The following XRRA1 variants were observed in gnomAD, a reference collection of about 807,000 sequenced individuals.
XRRA1 encodes X-ray radiation resistance associated 1.
Under a neutral mutation model 80.2 loss-of-function variants are expected in XRRA1, and 69 were observed. The ratio of observed to expected loss-of-function variants is 0.86; its 90% CI spans 0.71 to 1.05. XRRA1 has a LOEUF of 1.05. Ranked by LOEUF, XRRA1 falls within the 50% of genes least tolerant of loss-of-function variation. XRRA1 has a pLI of 0.00. For missense variants in XRRA1, 967 were observed against 976.4 expected (o/e 0.99, Z 0.13); for synonymous variants, 348 against 389.9 (o/e 0.89, Z 1.27).
At chr11:74,891,071 G>A (rs943130262) in intron 10 of XRRA1, among the ~76,000 whole-genome samples, 51 of 152,286 alleles carry the variant, frequency 3.3e-4, no homozygotes, top group African/African-American at 1.1e-3. Context: ...GCATCATCCT[G>A]ATACCAAAGC....
At chr11:74,852,833 G>A (rs966008452) in intron 12 of XRRA1, among the ~76,000 whole-genome samples, 9 of 152,150 alleles carry the variant, frequency 5.9e-5, no homozygotes, top group Non-Finnish European at 1.3e-4. Context: ...CATCAGGATC[G>A]AAGGGGTCAG....
At chr11:74,894,342 T>C (rs2051645355) in intron 10 of XRRA1, among the ~76,000 whole-genome samples, 1 of 152,170 alleles carries the variant, frequency 6.6e-6, no homozygotes, top group South Asian at 2.1e-4. Flanking sequence ...TGAGATAATC[T>C]GTACATCAAA....
chr11:74,890,390 A>G (rs1012178006), intron 10 of XRRA1, among the ~76,000 whole-genome samples: 1 of 152,236 alleles, frequency 6.6e-6, no homozygotes, highest in African/African-American at 2.4e-5. Flanking sequence ...TCCCTGGGAC[A>G]CATTCAAAGC....
intron 10 of XRRA1, among the ~76,000 whole-genome samples, chr11:74,871,326 T>C (rs1279867101): frequency 6.6e-6 from 1 of 152,170 alleles, no homozygotes; most frequent in East Asian, 1.9e-4. Context: ...TCCCATTGTC[T>C]TCCTGTCTAC....
chr11:74,920,123 A>C (rs917375314), intron 8 of XRRA1: 1 of 159,434 alleles, frequency 6.3e-6, no homozygotes, highest in Admixed American at 6.5e-5. Flanking sequence ...ATAGAGATGC[A>C]CGCAGAGACC....
Position 74,843,145 on chromosome 11 carries a change from C to T in XRRA1, c.*55G>A. ...GAGGTGCGGTCCAGGGCACAGAGCC[C>T]TCGGGGAGAGCTGGGGCACAGGCCG... is the stretch of plus-strand genomic sequence containing the variant. On this transcript the variant is annotated 3_prime_UTR_variant, in exon 19 of 19. Transcript: ENST00000684022. The T allele has an allele frequency of 1.3e-6, 2 of 1,507,274 alleles. No homozygotes were observed. Among genetic ancestry groups the T allele is most frequent in the Non-Finnish European group, 1.8e-6 (2 of 1,124,102 alleles). 93.4% of individuals were successfully genotyped at this position (1,507,274 alleles called of 1,614,324 possible). A position where few individuals can be genotyped will look rare whatever the true frequency, so the allele number is the denominator to read the frequency against.
chr11:74,869,714 C>G (rs549957772), intron 10 of XRRA1, among the ~76,000 whole-genome samples: 1 of 152,224 alleles, frequency 6.6e-6, no homozygotes, highest in African/African-American at 2.4e-5. Context: ...TTTTCATACC[C>G]TATGCAGATG....
intron 10 of XRRA1, among the ~76,000 whole-genome samples, chr11:74,890,575 G>C (rs1591087928): frequency 1.3e-5 from 2 of 152,250 alleles, no homozygotes; most frequent in South Asian, 4.1e-4. Flanking sequence ...AGGAAATAGA[G>C]ACACAAAAAA....
chr11:74,939,728 T>C (rs1034918251), intron 3 of XRRA1, among the ~76,000 whole-genome samples: 1 of 152,220 alleles, frequency 6.6e-6, no homozygotes, highest in Non-Finnish European at 1.5e-5. Context: ...TGAGGTGTCA[T>C]TGCTGTCAGT....
chr11:74,904,472 A>T (rs1399788667), intron 10 of XRRA1, among the ~76,000 whole-genome samples: 5 of 152,070 alleles, frequency 3.3e-5, no homozygotes, highest in Non-Finnish European at 7.4e-5. Context: ...AAAAAGAAAA[A>T]AAAAAAAGTT....
chr11:74,907,028 G>A, intron 9 of XRRA1, 117 bp downstream of exon 9: 1 of 1,387,686 alleles, frequency 7.2e-7, no homozygotes, highest in Non-Finnish European at 9.9e-7. Flanking sequence ...ACACAGTAGA[G>A]ATAAATTGTG....
intron 7 of XRRA1, among the ~76,000 whole-genome samples, chr11:74,921,865 T>A (rs145159018): frequency 1.3e-4 from 20 of 152,304 alleles, no homozygotes; most frequent in Admixed American, 5.9e-4. Flanking sequence ...GATCATAAAC[T>A]GGTACTTGGA....
chr11:74,913,191 T>C (rs1437635072), intron 8 of XRRA1, among the ~76,000 whole-genome samples: 1 of 152,202 alleles, frequency 6.6e-6, no homozygotes, highest in Non-Finnish European at 1.5e-5. Context: ...TAGTAGGAAG[T>C]GTCCAATTGA....
At chr11:74,871,830 G>A (rs941757888) in intron 10 of XRRA1, among the ~76,000 whole-genome samples, 1 of 152,204 alleles carries the variant, frequency 6.6e-6, no homozygotes, top group African/African-American at 2.4e-5. Flanking sequence ...ACTCCGATAG[G>A]TATAAAGAAG....
chr11:74,861,837 T>C (rs1405466261), intron 11 of XRRA1, among the ~76,000 whole-genome samples: 1 of 152,172 alleles, frequency 6.6e-6, no homozygotes, highest in Admixed American at 6.6e-5. Flanking sequence ...CTCTTGAATT[T>C]ATCACCAGTT....
chr11:74,906,333 T>A lies in XRRA1; in HGVS notation c.909A>T (p.Gln303His), dbSNP rs200854594. The A allele has an allele frequency of 1.9e-6, 3 of 1,614,020 alleles. No individual in the cohort carries two copies. The Admixed American group carries it at 5.0e-5, about 27-fold the overall frequency. The change falls in exon 10 of 19, where the codon CAA becomes CAT. Residue 303 changes from glutamine to histidine, a missense_variant. Physicochemically the swap from Gln to His is conservative, Grantham distance 24 (BLOSUM62 0). Coordinates refer to ENST00000684022, the MANE Select transcript of XRRA1 (RefSeq NM_001378157.1). The stretch of plus-strand genomic sequence containing the variant: ...TCCTTGGCTTGGACTGCAGCATGAA[T>A]TGGGGCTCTTTATGGGGACTTCCCC... ...GGRGSPHKEP[Q>H]FMLQSKPRML...
In XRRA1 at chr11:74,933,823, A is replaced by C; in HGVS notation, c.329T>G (p.Val110Gly). The change falls in exon 5 of 19, where the codon GTG becomes GGG. Residue 110 changes from valine (V) to glycine (G), a missense_variant. Physicochemically the swap from Val to Gly is moderately radical, Grantham distance 109. Coordinates refer to ENST00000684022, the MANE Select transcript of XRRA1 (RefSeq NM_001378157.1). ...CACCTTGGAGAACTTCAGGCCACTC[A>C]CATTAATGGTGCACAGATCTGATGG... is the stretch of plus-strand genomic sequence containing the variant. Reference protein sequence around the residue: ...RKPSDLCTINVSGLKFSKAKE... With the variant: ...RKPSDLCTINGSGLKFSKAKE... The C allele has an allele frequency of 6.2e-7, 1 of 1,600,146 alleles. No homozygotes were observed.
At chr11:74,930,498 A>G in intron 5 of XRRA1, 126 bp from the exon 6 acceptor site, 1 of 697,786 alleles carries the variant, frequency 1.4e-6, no homozygotes, top group Non-Finnish European at 2.4e-6. Context: ...GGACATCCCT[A>G]GCACAGGAGC....
intron 10 of XRRA1, among the ~76,000 whole-genome samples, chr11:74,882,794 T>G (rs1302869693): frequency 6.6e-6 from 1 of 152,074 alleles, no homozygotes; most frequent in African/African-American, 2.4e-5. Flanking sequence ...GTGCCCCTGC[T>G]GGGGGGGTGC....
Sources: gnomAD v4.1 joint callset for allele counts (sites outside exome capture counted in the v4.1 genomes callset) on GRCh38, gnomAD v4.1.1 for gene constraint, MANE v1.5 for transcripts, NCBI Gene and HGNC (gene_info 2026-07-23, HGNC 2026-07-21) for gene names.